CHORDC1: variants seen among roughly 807,000 people sequenced by gnomAD.
The protein encoded by CHORDC1 is cysteine and histidine-rich domain-containing protein 1.
CHORDC1 carries 25 observed loss-of-function variants against 48.3 expected under a neutral mutation model. The observed-to-expected ratio is 0.52, with a 90% CI of 0.38 to 0.72. The LOEUF is 0.72. CHORDC1 is among the 30% of genes least tolerant of loss of function. The pLI, the probability that CHORDC1 is intolerant of heterozygous loss-of-function variation, is 0.00. For missense variants in CHORDC1, 317 were observed against 388.7 expected (o/e 0.82, Z 1.55); for synonymous variants, 128 against 126.4 (o/e 1.01, Z -0.09).
intron 2 of CHORDC1, among the ~76,000 whole-genome samples, chr11:90,215,979 A>G (rs1002045527): frequency 6.6e-6 from 1 of 152,122 alleles, no homozygotes; most frequent in East Asian, 1.9e-4. Context: ...AAAAGACTGC[A>G]TAAAAATATG....
In CHORDC1 at chr11:90,200,582, T is replaced by G. The variant is rs922941003; in HGVS notation, c.*1823A>C. Among the ~76,000 whole-genome samples the G allele has an allele frequency of 6.6e-6, 1 of 151,936 alleles. No homozygotes were observed. The highest frequency in any genetic ancestry group is 2.4e-5 in the African/African-American group (1 of 41,432). On this transcript the variant is annotated 3_prime_UTR_variant, in exon 11 of 11. Transcript: ENST00000320585. ...TCTGGACAAGAAATTCAAAGGCTCC[T>G]TAAGAAGAAAGTAAATACCATGGTC...
intron 6 of CHORDC1, chr11:90,207,733 C>T (rs1174360857): frequency 9.5e-6 from 1 of 105,228 alleles, no homozygotes; most frequent in Non-Finnish European, 1.8e-5. Context: ...TGACAAAACA[C>T]TATACACACA....
chr11:90,222,643 T>C (rs1858201611), intron 1 of CHORDC1: 1 of 683,604 alleles, frequency 1.5e-6, no homozygotes, highest in African/African-American at 1.8e-5. Flanking sequence ...CGTGGATCCA[T>C]GGGAGCGTCT....
chr11:90,217,580 T>G (rs1367917120), intron 2 of CHORDC1, among the ~76,000 whole-genome samples: 1 of 152,162 alleles, frequency 6.6e-6, no homozygotes, highest in Non-Finnish European at 1.5e-5. Context: ...CCACTCTATT[T>G]TCCCTCAAAA....
At chr11:90,203,053 T>C (rs1333625688) in intron 9 of CHORDC1, among the ~76,000 whole-genome samples, 178 bp from the exon 10 acceptor site, 1 of 152,182 alleles carries the variant, frequency 6.6e-6, no homozygotes, top group Non-Finnish European at 1.5e-5. Context: ...GCTTCAAGTT[T>C]CATATTGAGA....
rs748504874 is a variant in CHORDC1, at chr11:90,211,272, G to A, written c.376C>T (p.Leu126=). 2.5e-6 allele frequency: 4 copies of A among 1,609,608 alleles called. No homozygotes were observed. The South Asian group carries it at 3.3e-5, about 13-fold the overall frequency. The change falls in exon 5 of 11, where the codon CTA becomes TTA. Residue 126 remains leucine (L), a synonymous_variant. Transcript: ENST00000320585. ...TTAAGTTTATCAAGTGCTTGTTTTAGGGAGGCAGATATTTTTAATTCCAAA... is the reference window on the plus strand; with the variant it reads ...TTAAGTTTATCAAGTGCTTGTTTTAAGGAGGCAGATATTTTTAATTCCAAA... ...TNLELKISAS[L]KQALDKLKLS...
rs746528071 is a variant in CHORDC1 at position 90,215,240 on chromosome 11, A to T, written c.115-10T>A. On this transcript the variant is annotated splice_polypyrimidine_tract_variant and intron_variant, in intron 2 of 10. Coordinates refer to ENST00000320585, the MANE Select transcript of CHORDC1 (RefSeq NM_012124.3). ...TACAGCAAGACCAACCCTATGAAAA[A>T]CAAGAGAAGGAAACTAAAAACTCTA... 6.5e-7 allele frequency: 1 copy of T among 1,541,268 alleles called. No individual in the cohort carries two copies. The highest frequency in any genetic ancestry group is 8.8e-7 in the Non-Finnish European group (1 of 1,138,710).
chr11:90,203,300 GT>G lies in CHORDC1; in HGVS notation c.789+7del. ...GAACTTTTACCCAAAATTATAAGAT[GT>G]ACTTACCAATGTGCTATTTGCTTCT... On this transcript the variant is annotated splice_region_variant and intron_variant, in intron 9 of 10. Transcript: ENST00000320585. 6.3e-7 allele frequency: 1 copy of G among 1,576,206 alleles called. No homozygotes were observed. The highest frequency in any genetic ancestry group is 1.7e-5 in the Admixed American group (1 of 59,720).
At chr11:90,219,586 A>G (rs1164473252) in intron 1 of CHORDC1, among the ~76,000 whole-genome samples, 2 of 152,250 alleles carry the variant, frequency 1.3e-5, no homozygotes, top group Non-Finnish European at 2.9e-5. Flanking sequence ...AGGCATTCTT[A>G]AACCACAAAC....
At chr11:90,204,341 T>G (rs1857613964) in intron 8 of CHORDC1, among the ~76,000 whole-genome samples, 1 of 152,218 alleles carries the variant, frequency 6.6e-6, no homozygotes, top group Non-Finnish European at 1.5e-5. Flanking sequence ...ACACTCTTTT[T>G]ATTTAAAAAC....
chr11:90,217,088 T>C (rs901374330), intron 2 of CHORDC1, among the ~76,000 whole-genome samples: 3 of 152,182 alleles, frequency 2.0e-5, no homozygotes, highest in African/African-American at 7.2e-5. Context: ...TATGGAGGAA[T>C]AAGGTCTCAA....
chr11:90,213,454 G>T, intron 4 of CHORDC1: 1 of 689,586 alleles, frequency 1.5e-6, no homozygotes, highest in African/African-American at 1.8e-5. Context: ...ATACATGTGT[G>T]GGAATACAGA....
At position 90,213,367 on chromosome 11, in the gene CHORDC1, T is replaced by C. The variant is rs377600353; in HGVS notation, c.329+651A>G. On this transcript the variant is annotated intron_variant, in intron 4 of 10. Transcript: ENST00000320585. Reference sequence around the variant, plus strand: ...AAAAAAAAAATCACCTTTTTTTAAGTCCTGTAGTTTGCTTCTAAAACAATT... The same window carrying C: ...AAAAAAAAAATCACCTTTTTTTAAGCCCTGTAGTTTGCTTCTAAAACAATT... 4.4e-6 allele frequency: 3 copies of C among 678,164 alleles called. No homozygotes were observed. The East Asian group carries it at 8.1e-5, about 18-fold the overall frequency. The allele number at this position is 678,164 out of a possible 1,614,324, so 42.0% of individuals were successfully genotyped here.
intron 1 of CHORDC1, 44 bp from the exon 2 acceptor site, chr11:90,218,228 T>A: frequency 7.1e-7 from 1 of 1,414,960 alleles, no homozygotes; most frequent in South Asian, 1.3e-5. Flanking sequence ...CTCTTTATAA[T>A]GAAGAAAAAT....
intron 2 of CHORDC1, among the ~76,000 whole-genome samples, chr11:90,217,430 C>T (rs1026115843): frequency 1.3e-5 from 2 of 152,118 alleles, no homozygotes; most frequent in African/African-American, 4.8e-5. Flanking sequence ...CAACATTCCA[C>T]CAATTCTCCA....
intron 4 of CHORDC1, chr11:90,213,334 CAAAA>C (rs35305859): frequency 0.036 from 20,185 of 565,634 alleles, 1 homozygote; most frequent in South Asian, 0.068. Context: ...TACTTGCAGC[CAAAA>C]AAAAAAAAAA....
Position 90,206,222 on chromosome 11 carries a change from TC to T in CHORDC1, c.542del (p.Gly181GlufsTer9). ...GTTACCCCTCATGGAAAATAGGTAC[TC>T]CAGAATGATATACACAGACTTCTTC... ...SLEEVCVYHS[G>X]VPIFHEGMKY... On this transcript the variant is annotated frameshift_variant, in exon 7 of 11. Coordinates refer to ENST00000320585, the MANE Select transcript of CHORDC1 (RefSeq NM_012124.3). LOFTEE classifies it high-confidence loss of function. 6.4e-7 allele frequency: 1 copy of T among 1,562,358 alleles called. No homozygotes were observed. Among genetic ancestry groups the T allele is most frequent in the African/African-American group, 1.3e-5 (1 of 74,210 alleles).
chr11:90,211,167 T>C, intron 5 of CHORDC1, 48 bp downstream of exon 5: 1 of 1,292,590 alleles, frequency 7.7e-7, no homozygotes, highest in Non-Finnish European at 1.1e-6. Context: ...GGATAACTGC[T>C]TAACTGTACC....
chr11:90,215,799 T>G (rs539741086), intron 2 of CHORDC1, among the ~76,000 whole-genome samples: 6 of 152,108 alleles, frequency 3.9e-5, no homozygotes, highest in African/African-American at 1.2e-4. Flanking sequence ...AACTATCAAG[T>G]AGTTTACCAA....
Sources: allele counts gnomAD v4.1 joint callset (sites outside exome capture counted in the v4.1 genomes callset), GRCh38; gene constraint gnomAD v4.1.1; transcripts MANE v1.5; gene names NCBI Gene and HGNC (gene_info 2026-07-23, HGNC 2026-07-21).